CMIP: variants seen among roughly 807,000 people sequenced by gnomAD.
The protein encoded by CMIP is C-Maf-inducing protein.
A neutral mutation model predicts 97.3 loss-of-function variants in CMIP; 13 were observed. The observed-to-expected ratio is 0.13, with a 90% CI of 0.09 to 0.21. CMIP has a LOEUF of 0.21. Ranked by LOEUF, CMIP falls within the 10% of genes least tolerant of loss-of-function variation. The pLI is 1.00. For synonymous variants in CMIP, 538 were observed against 436.3 expected, an observed-to-expected ratio of 1.23 and a Z score of -2.91; for missense variants, 847 against 1,024.9, an observed-to-expected ratio of 0.83 and a Z score of 2.37.
At chr16:81,489,219 G>T (rs1270501113) in intron 1 of CMIP, among the ~76,000 whole-genome samples, 1 of 152,120 alleles carries the variant, frequency 6.6e-6, no homozygotes, top group African/African-American at 2.4e-5. Context: ...AGATGCTGAT[G>T]GTGCACTCAG....
chr16:81,452,958 C>G (rs1174757563), intron 1 of CMIP, among the ~76,000 whole-genome samples: 1 of 147,944 alleles, frequency 6.8e-6, no homozygotes, highest in Non-Finnish European at 1.5e-5. Flanking sequence ...GTAGCAGTGC[C>G]TTAAGAGATT....
chr16:81,457,984 C>G (rs1434126486), intron 1 of CMIP, among the ~76,000 whole-genome samples: 1 of 152,252 alleles, frequency 6.6e-6, no homozygotes, highest in Non-Finnish European at 1.5e-5. Context: ...CCTGATGACT[C>G]AGGACTTCAG....
intron 3 of CMIP, among the ~76,000 whole-genome samples, chr16:81,628,273 GC>G (rs1196318718): frequency 6.6e-6 from 1 of 152,070 alleles, no homozygotes; most frequent in Non-Finnish European, 1.5e-5. Context: ...TAGAGATGTG[GC>G]CCCAGGCGCT....
intron 10 of CMIP, among the ~76,000 whole-genome samples, chr16:81,690,342 T>A (rs1905915290): frequency 6.6e-6 from 1 of 152,184 alleles, no homozygotes; most frequent in Non-Finnish European, 1.5e-5. Flanking sequence ...GAGCAGTGGT[T>A]TGTAGTTCTC....
rs372879526 is a variant in CMIP at position 81,652,186 on chromosome 16, T to C, written c.478-17T>C. On this transcript the variant is annotated splice_polypyrimidine_tract_variant and intron_variant, in intron 3 of 20. Coordinates refer to ENST00000537098, the MANE Select transcript of CMIP (RefSeq NM_198390.3). The surrounding 1 kb of genome is among the most constrained non-coding windows in gnomAD (Gnocchi z 5.2). ...ACGTGAGTAACATGTTGCTGTCTCT[T>C]TATCTCTTTCAACCAGAAAAAGATT... The C allele has an allele frequency of 1.2e-6, 2 of 1,601,300 alleles. No homozygotes were observed. Among genetic ancestry groups the C allele is most frequent in the African/African-American group, 2.7e-5 (2 of 74,586 alleles).
At chr16:81,483,190 A>G (rs1211466945) in intron 1 of CMIP, among the ~76,000 whole-genome samples, 1 of 152,200 alleles carries the variant, frequency 6.6e-6, no homozygotes, top group Non-Finnish European at 1.5e-5. Context: ...AATCTGGATG[A>G]GAGGTGACAC....
chr16:81,556,857 C>T (rs904159247), intron 1 of CMIP, among the ~76,000 whole-genome samples: 8 of 152,208 alleles, frequency 5.3e-5, no homozygotes, highest in African/African-American at 1.7e-4. Context: ...GCCTGAATGG[C>T]GCTCCTGAAA....
chr16:81,509,629 G>A (rs1567550673), intron 1 of CMIP, among the ~76,000 whole-genome samples: 1 of 152,186 alleles, frequency 6.6e-6, no homozygotes, highest in Non-Finnish European at 1.5e-5. Flanking sequence ...AGCAGGTCGA[G>A]CCAGGGCGGC....
At chr16:81,685,354 C>T in intron 10 of CMIP, among the ~76,000 whole-genome samples, 1 of 152,164 alleles carries the variant, frequency 6.6e-6, no homozygotes, top group East Asian at 1.9e-4. Context: ...CCTGGGAGTA[C>T]AGGCCACGCT....
chr16:81,482,365 G>A (rs2089239328), intron 1 of CMIP, among the ~76,000 whole-genome samples: 1 of 152,208 alleles, frequency 6.6e-6, no homozygotes, highest in Non-Finnish European at 1.5e-5. Context: ...GCAGGGGAGA[G>A]TGAGGCTGGT....
At chr16:81,479,351 A>G (rs985946110) in intron 1 of CMIP, among the ~76,000 whole-genome samples, 3 of 152,290 alleles carry the variant, frequency 2.0e-5, no homozygotes, top group South Asian at 2.1e-4. Context: ...TGGTGATAAA[A>G]TACACGTAAC....
intron 10 of CMIP, among the ~76,000 whole-genome samples, chr16:81,691,112 T>C (rs1906011887): frequency 6.6e-6 from 1 of 152,156 alleles, no homozygotes. Context: ...CCCCCTACAT[T>C]AGTTTGCTAG....
In CMIP at chr16:81,660,475, A is replaced by G. The variant is rs186525598; in HGVS notation, c.682-409A>G. Among the ~76,000 whole-genome samples the G allele has an allele frequency of 1.1e-4, 16 of 152,070 alleles. 1 individual carries two copies. The highest frequency in any genetic ancestry group is 6.5e-5 in the Admixed American group (1 of 15,280). On this transcript the variant is annotated intron_variant, in intron 5 of 20. Transcript: ENST00000537098. ...TTTTTGGTAGAGACGGAGTTTCCCTATGTTGGCCAGGCTGGTCTCCAACTC... is the reference window on the plus strand; with the variant it reads ...TTTTTGGTAGAGACGGAGTTTCCCTGTGTTGGCCAGGCTGGTCTCCAACTC...
intron 6 of CMIP, among the ~76,000 whole-genome samples, chr16:81,661,652 G>C (rs2092548130): frequency 1.3e-5 from 2 of 152,210 alleles, no homozygotes; most frequent in South Asian, 4.1e-4. Flanking sequence ...GGCGTGGGCT[G>C]TGTCCAGCAG....
At chr16:81,644,722 G>A (rs1218533159) in intron 3 of CMIP, among the ~76,000 whole-genome samples, 1 of 152,212 alleles carries the variant, frequency 6.6e-6, no homozygotes, top group Admixed American at 6.5e-5. Context: ...GGAAGCCAGG[G>A]AAGATAACCA....
At chr16:81,553,083 C>T (rs1336864264) in intron 1 of CMIP, among the ~76,000 whole-genome samples, 1 of 152,174 alleles carries the variant, frequency 6.6e-6, no homozygotes, top group Non-Finnish European at 1.5e-5. Context: ...TTGTGAAGAC[C>T]AGTTGCTTAG....
At chr16:81,556,242 G>A (rs1006438012) in intron 1 of CMIP, among the ~76,000 whole-genome samples, 3 of 152,176 alleles carry the variant, frequency 2.0e-5, no homozygotes, top group African/African-American at 7.2e-5. Flanking sequence ...TGTTGGACTG[G>A]TTATTATGGG....
At chr16:81,603,451 C>T (rs2091691163) in intron 1 of CMIP, 1 of 454,522 alleles carries the variant, frequency 2.2e-6, no homozygotes, top group Middle Eastern at 6.9e-4. Context: ...GACGAGGATA[C>T]CCCAGAGTTC....
intron 1 of CMIP, among the ~76,000 whole-genome samples, chr16:81,496,390 C>A (rs2089491549): frequency 6.6e-6 from 1 of 152,146 alleles, no homozygotes; most frequent in Non-Finnish European, 1.5e-5. Context: ...TAAGTGAAAC[C>A]TATTTAGAAT....
Sources: gnomAD v4.1 joint callset for allele counts (sites outside exome capture counted in the v4.1 genomes callset) on GRCh38, gnomAD v4.1.1 for gene constraint, Gnocchi (gnomAD v3.1) non-coding constraint, MANE v1.5 for transcripts, NCBI Gene and HGNC (gene_info 2026-07-23, HGNC 2026-07-21) for gene names.